The following GPHN variants were observed in gnomAD, a reference collection of about 807,000 sequenced individuals.
The protein encoded by GPHN is gephyrin.
Under a neutral mutation model 95.5 loss-of-function variants are expected in GPHN, and 17 were observed. That is an observed-to-expected ratio of 0.18 (90% CI 0.12 to 0.27). The LOEUF (loss-of-function observed/expected upper bound fraction) is 0.27, where lower values mean the gene tolerates loss of function less well. Ranked by LOEUF, GPHN falls within the 10% of genes least tolerant of loss-of-function variation. The pLI is 1.00. For synonymous variants in GPHN, 320 were observed against 322.5 expected, an observed-to-expected ratio of 0.99 and a Z score of 0.08; for missense variants, 660 against 978.1, an observed-to-expected ratio of 0.67 and a Z score of 4.34.
At chr14:66,526,009 T>C (rs1219650957) in intron 1 of GPHN, among the ~76,000 whole-genome samples, 1 of 151,988 alleles carries the variant, frequency 6.6e-6, no homozygotes, top group Admixed American at 6.6e-5. Flanking sequence ...TAGTTTTTTT[T>C]TTTTTAATTC....
intron 8 of GPHN, among the ~76,000 whole-genome samples, chr14:66,949,993 GAAAAAAAAAA>G (rs71129809): frequency 3.8e-4 from 22 of 57,818 alleles, no homozygotes; most frequent in South Asian, 1.3e-3. Flanking sequence ...TTTAGGACAG[GAAAAAAAAAA>G]AAAAAAAAAA....
At chr14:67,729,751 A>C in the GPHN span, 3 of 507,350 alleles carry the variant, frequency 5.9e-6, no homozygotes, top group Admixed American at 2.1e-5. Context: ...ATTAGCACAA[A>C]GTGCTAGGGG....
intron 7 of GPHN, 44 bp downstream of exon 7, chr14:66,922,982 G>T: frequency 6.5e-7 from 1 of 1,527,604 alleles, no homozygotes; most frequent in Non-Finnish European, 9.0e-7. Context: ...GGACCCACAG[G>T]TAAATGTACT....
At chr14:67,354,019 C>T in the GPHN span, 2 of 151,882 alleles carry the variant, frequency 1.3e-5, no homozygotes, top group Non-Finnish European at 2.9e-5. Context: ...TCACCCTCGC[C>T]TTCTGCCATG....
the GPHN span, among the ~76,000 whole-genome samples, chr14:67,658,826 G>A: frequency 6.6e-6 from 1 of 152,092 alleles, no homozygotes; most frequent in Non-Finnish European, 1.5e-5. Flanking sequence ...CATTCTCAAG[G>A]GATCTAGTTT....
At chr14:67,468,811 C>T in the GPHN span, among the ~76,000 whole-genome samples, 3 of 152,112 alleles carry the variant, frequency 2.0e-5, no homozygotes, top group African/African-American at 4.8e-5. Flanking sequence ...AGGAAAATCA[C>T]TTAAACCTGG....
the GPHN span, among the ~76,000 whole-genome samples, chr14:67,193,318 ATCTATATATC>A: frequency 2.1e-5 from 3 of 139,650 alleles, no homozygotes; most frequent in African/African-American, 2.6e-5. Context: ...CTATATAGAT[ATCTATATATC>A]TCTATATAGA....
the GPHN span, among the ~76,000 whole-genome samples, chr14:67,306,169 T>C: frequency 2.6e-5 from 4 of 152,080 alleles, no homozygotes; most frequent in South Asian, 6.2e-4. Flanking sequence ...GGGGTTTCAC[T>C]ATGTTGGCCA....
chr14:66,526,689 G>A (rs1049549419), intron 1 of GPHN, among the ~76,000 whole-genome samples: 1 of 152,016 alleles, frequency 6.6e-6, no homozygotes, highest in Non-Finnish European at 1.5e-5. Context: ...GCATGAAGGG[G>A]TGTTGAATTT....
At chr14:67,493,081 C>T in the GPHN span, among the ~76,000 whole-genome samples, 1 of 152,176 alleles carries the variant, frequency 6.6e-6, no homozygotes, top group Non-Finnish European at 1.5e-5. Flanking sequence ...TTGGGAAAAG[C>T]ATTCCAGGCA....
the GPHN span, among the ~76,000 whole-genome samples, chr14:67,479,431 GT>G: frequency 1.4e-5 from 2 of 147,928 alleles, no homozygotes; most frequent in South Asian, 4.3e-4. Context: ...AAAAATGCTT[GT>G]GGAAGCTGGG....
chr14:66,968,159 A>G (rs1023548524), intron 9 of GPHN, among the ~76,000 whole-genome samples: 2 of 152,050 alleles, frequency 1.3e-5, no homozygotes, highest in African/African-American at 4.8e-5. Context: ...ATTTTTTAGC[A>G]TAAAAATTTG....
intron 8 of GPHN, among the ~76,000 whole-genome samples, chr14:66,956,292 T>C (rs2068498635): frequency 6.6e-6 from 1 of 152,254 alleles, no homozygotes; most frequent in East Asian, 1.9e-4. Flanking sequence ...TTCATTTTTA[T>C]TTGTCTCAAA....
At chr14:67,609,888 C>T in the GPHN span, among the ~76,000 whole-genome samples, 1 of 132,286 alleles carries the variant, frequency 7.6e-6, no homozygotes, top group African/African-American at 3.7e-5. Flanking sequence ...GGAGAAAGGG[C>T]GAGTCTGCAC....
chr14:66,586,345 T>C (rs538658982), intron 1 of GPHN, among the ~76,000 whole-genome samples: 1 of 152,240 alleles, frequency 6.6e-6, no homozygotes, highest in Non-Finnish European at 1.5e-5. Flanking sequence ...GTATCCAGTT[T>C]ACCAGTCTGT....
intron 1 of GPHN, among the ~76,000 whole-genome samples, chr14:66,574,777 A>G (rs912440403): frequency 1.3e-5 from 2 of 152,210 alleles, no homozygotes; most frequent in African/African-American, 4.8e-5. Context: ...GAACAAAAAT[A>G]AGGGAAAGAC....
At chr14:66,534,937 T>C (rs1018540675) in intron 1 of GPHN, among the ~76,000 whole-genome samples, 1 of 152,162 alleles carries the variant, frequency 6.6e-6, no homozygotes, top group East Asian at 1.9e-4. Context: ...GTCATTTCAC[T>C]CTCTTAATAG....
At chr14:67,208,880 G>C in the GPHN span, among the ~76,000 whole-genome samples, 3 of 135,720 alleles carry the variant, frequency 2.2e-5, no homozygotes, top group Non-Finnish European at 4.6e-5. Flanking sequence ...CTGGGTGACA[G>C]AGTAAAACTC....
chr14:66,951,578 T>C (rs889866711), intron 8 of GPHN, among the ~76,000 whole-genome samples: 1 of 143,540 alleles, frequency 7.0e-6, no homozygotes, highest in Non-Finnish European at 1.5e-5. Context: ...TTTATATAGA[T>C]AGAATTGCAA....
Sources: gnomAD v4.1 joint callset for allele counts (sites outside exome capture counted in the v4.1 genomes callset) on GRCh38, gnomAD v4.1.1 for gene constraint, MANE v1.5 for transcripts, NCBI Gene and HGNC (gene_info 2026-07-23, HGNC 2026-07-21) for gene names.